BACE2: variants seen among roughly 807,000 people sequenced by gnomAD.
BACE2 encodes the protein 56 kDa aspartic-like protease.
BACE2 carries 17 observed loss-of-function variants against 46.2 expected under a neutral mutation model. The ratio of observed to expected loss-of-function variants is 0.37; its 90% confidence interval spans 0.25 to 0.55. The LOEUF is 0.55. Ranked by LOEUF, BACE2 falls within the 20% of genes least tolerant of loss-of-function variation. The probability of loss-of-function intolerance (pLI) is 0.82; values close to 1 mark genes in which losing one functional copy is unlikely to be tolerated. For synonymous variants in BACE2, 277 were observed against 295.9 expected (o/e 0.94, Z 0.66); for missense variants, 595 against 698.1 (o/e 0.85, Z 1.66).
At chr21:41,235,833 C>G (rs1393436527) in intron 2 of BACE2, among the ~76,000 whole-genome samples, 1 of 150,568 alleles carries the variant, frequency 6.6e-6, no homozygotes, top group Non-Finnish European at 1.5e-5. Flanking sequence ...AGAGCAAGAC[C>G]TTTTCTTTAA....
intron 6 of BACE2, among the ~76,000 whole-genome samples, chr21:41,249,234 T>A (rs1192097140): frequency 7.5e-6 from 1 of 133,144 alleles, no homozygotes; most frequent in Non-Finnish European, 1.6e-5. Context: ...GGACTCAGGA[T>A]TAGTGAGCCC....
chr21:41,246,219 G>A (rs1477278776), intron 6 of BACE2, 156 bp downstream of exon 6: 1 of 395,788 alleles, frequency 2.5e-6, no homozygotes, highest in Non-Finnish European at 4.4e-6. Flanking sequence ...AATAGTATAG[G>A]TGTAATATGT....
chr21:41,185,600 T>C (rs551459027), intron 1 of BACE2, among the ~76,000 whole-genome samples: 10 of 152,336 alleles, frequency 6.6e-5, no homozygotes, highest in Non-Finnish European at 1.5e-4. Context: ...AAGACCAATA[T>C]TCGCCTAGCG....
intron 1 of BACE2, among the ~76,000 whole-genome samples, chr21:41,195,429 G>A (rs1985701620): frequency 6.6e-6 from 1 of 152,252 alleles, no homozygotes. Context: ...GGGTTGGTAT[G>A]TGGACACCAG....
chr21:41,174,756 ATGAC>A (rs747652687), intron 1 of BACE2, among the ~76,000 whole-genome samples: 2 of 152,142 alleles, frequency 1.3e-5, no homozygotes, highest in Non-Finnish European at 2.9e-5. Context: ...TGAGGCTCCT[ATGAC>A]TGACTGTGAG....
chr21:41,208,303 G>T (rs1015381709), intron 1 of BACE2, among the ~76,000 whole-genome samples: 3 of 152,250 alleles, frequency 2.0e-5, no homozygotes, highest in Admixed American at 1.3e-4. Context: ...ACGCAGGACC[G>T]CACGGTGTCT....
At chr21:41,203,702 A>T (rs1216801603) in intron 1 of BACE2, among the ~76,000 whole-genome samples, 1 of 151,892 alleles carries the variant, frequency 6.6e-6, no homozygotes, top group African/African-American at 2.4e-5. Context: ...TGGGGAGAGG[A>T]GGTGAGGTCC....
intron 2 of BACE2, among the ~76,000 whole-genome samples, chr21:41,229,733 A>G (rs2123580482): frequency 6.6e-6 from 1 of 152,266 alleles, no homozygotes; most frequent in Middle Eastern, 3.4e-3. Context: ...CATCTCTCTT[A>G]CTTACCTGCT....
At chr21:41,179,773 AC>A in intron 1 of BACE2, 1 of 649,916 alleles carries the variant, frequency 1.5e-6, no homozygotes, top group Non-Finnish European at 2.4e-6. Context: ...GGTGGAGAAG[AC>A]CACAGAGACT....
intron 1 of BACE2, among the ~76,000 whole-genome samples, chr21:41,223,577 C>T (rs552781038): frequency 3.9e-5 from 6 of 152,312 alleles, no homozygotes; most frequent in African/African-American, 1.2e-4. Flanking sequence ...TGTCTGCTTT[C>T]CGTGCATTTT....
rs996423334 is a variant in BACE2 at position 41,277,556 on chromosome 21, G to A, written c.*1932G>A. 13 of 152,224 alleles carry A rather than the reference G, an allele frequency of 8.5e-5. No individual in the cohort carries two copies. The highest frequency in any genetic ancestry group is 1.9e-4 in the Non-Finnish European group (13 of 68,044). The allele number at this position is 152,224 out of a possible 1,614,324, so 9.4% of individuals were successfully genotyped here. On this transcript the variant is annotated 3_prime_UTR_variant, in exon 9 of 9. Coordinates refer to ENST00000330333, the MANE Select transcript of BACE2 (RefSeq NM_012105.5). Reference sequence around the variant, plus strand: ...GTTTTGTGGGCCGCTTTGCACAGGAGTGAAGCCAACACCCCTAGATTGTGC... The same window carrying A: ...GTTTTGTGGGCCGCTTTGCACAGGAATGAAGCCAACACCCCTAGATTGTGC...
chr21:41,169,616 A>T (rs1984526183), intron 1 of BACE2, among the ~76,000 whole-genome samples: 1 of 152,318 alleles, frequency 6.6e-6, no homozygotes, highest in Admixed American at 6.5e-5. Flanking sequence ...TGATTCCCCC[A>T]TAAATAGAAC....
intron 1 of BACE2, chr21:41,176,083 G>A (rs1173990760): frequency 6.6e-6 from 1 of 152,130 alleles, no homozygotes; most frequent in Non-Finnish European, 1.5e-5. Flanking sequence ...TGTAAATCAG[G>A]GAATTTGAAC....
intron 1 of BACE2, among the ~76,000 whole-genome samples, chr21:41,168,978 A>ACCCCCCCCCCCCCCCCCCCCCCCCCCCCC (rs1984488855): frequency 1.2e-5 from 1 of 84,192 alleles, no homozygotes; most frequent in Non-Finnish European, 2.4e-5. Flanking sequence ...TCGTGTTCAT[A>ACCCCCCCCCCCCCCCCCCCCCCCCCCCCC]CCCTCCCTCC....
chr21:41,246,475 C>G (rs1010252671), intron 6 of BACE2, among the ~76,000 whole-genome samples: 3 of 152,024 alleles, frequency 2.0e-5, no homozygotes, highest in African/African-American at 4.8e-5. Context: ...AACAATAAAT[C>G]GAGAATAAAT....
intron 1 of BACE2, among the ~76,000 whole-genome samples, chr21:41,208,772 C>A (rs1986211114): frequency 1.3e-5 from 2 of 152,214 alleles, no homozygotes; most frequent in South Asian, 4.1e-4. Flanking sequence ...CTGCCTGGGT[C>A]ACCCATCACT....
chr21:41,179,109 G>A, intron 1 of BACE2: 1 of 1,225,870 alleles, frequency 8.2e-7, no homozygotes, highest in Non-Finnish European at 1.1e-6. Flanking sequence ...GTGACTGAGG[G>A]TGCCAGGGTG....
chr21:41,279,246 A>G lies in BACE2; in HGVS notation c.*3622A>G, dbSNP rs541178789. The stretch of plus-strand genomic sequence containing the variant: ...AATACATTTTGAGAGGGGTAGAAAG[A>G]ATAAGAATATAATTAAAAGTATGCT... On this transcript the variant is annotated 3_prime_UTR_variant, in exon 9 of 9. Transcript: ENST00000330333. The G allele has an allele frequency of 1.1e-4, 17 of 152,308 alleles. No homozygotes were observed. The highest frequency in any genetic ancestry group is 3.6e-4 in the African/African-American group (15 of 41,572). 9.4% of individuals were successfully genotyped at this position (152,308 alleles called of 1,614,324 possible).
intron 1 of BACE2, among the ~76,000 whole-genome samples, chr21:41,212,481 C>A (rs1185778860): frequency 1.3e-5 from 2 of 152,150 alleles, no homozygotes. Context: ...CTCTCACTCT[C>A]CCTACCCTGA....
Sources: gnomAD v4.1 joint callset for allele counts (sites outside exome capture counted in the v4.1 genomes callset) on GRCh38, gnomAD v4.1.1 for gene constraint, MANE v1.5 for transcripts, NCBI Gene and HGNC (gene_info 2026-07-23, HGNC 2026-07-21) for gene names.